The following PDS5B variants were observed in gnomAD, a reference collection of about 807,000 sequenced individuals.
The protein encoded by PDS5B is PDS5 cohesin associated factor B.
A neutral mutation model predicts 184.1 loss-of-function variants in PDS5B; 51 were observed. That is an observed-to-expected ratio of 0.28 (90% CI 0.22 to 0.35). The LOEUF (loss-of-function observed/expected upper bound fraction) is 0.35. Ranked by LOEUF, PDS5B falls within the 10% of genes least tolerant of loss-of-function variation. The pLI is 1.00. For missense variants in PDS5B, 1,180 were observed against 1,723.3 expected (o/e 0.68, Z 5.58); for synonymous variants, 566 against 569.2 (o/e 0.99, Z 0.08).
intron 6 of PDS5B, among the ~76,000 whole-genome samples, chr13:32,664,843 T>A (rs1440610447): frequency 8.4e-6 from 1 of 119,512 alleles, no homozygotes; most frequent in Non-Finnish European, 1.7e-5. Flanking sequence ...CAAGTGAGAC[T>A]CTGTCTCAAA....
At chr13:32,592,499 T>C (rs2057792844) in intron 1 of PDS5B, among the ~76,000 whole-genome samples, 2 of 152,130 alleles carry the variant, frequency 1.3e-5, no homozygotes, top group Admixed American at 1.3e-4. Context: ...TCAGGTGATC[T>C]GCCCGCCTTG....
Position 32,688,459 on chromosome 13 carries a change from A to G in PDS5B, c.1359A>G (p.Leu453=). 6.5e-7 allele frequency: 1 copy of G among 1,529,604 alleles called. No individual in the cohort carries two copies. Among genetic ancestry groups the G allele is most frequent in the East Asian group, 2.3e-5 (1 of 44,048 alleles). 94.8% of individuals were successfully genotyped at this position (1,529,604 alleles called of 1,614,324 possible). A position where few individuals can be genotyped will look rare whatever the true frequency, so the allele number is the denominator to read the frequency against. The part of the protein sequence containing the change: ...IYYQNSIDDR[L]LVERIFAQYM... ...TGCCTTCTCTGCTTTTTTGTAGACT[A>G]CTTGTTGAACGGATCTTTGCTCAAT... Residue 453 remains leucine, a synonymous_variant, in exon 13 of 35, where the codon CTA becomes CTG. Coordinates refer to ENST00000315596, the MANE Select transcript of PDS5B (RefSeq NM_015032.4).
intron 3 of PDS5B, chr13:32,652,213 AC>A (rs1348145928): frequency 1.3e-5 from 6 of 465,264 alleles, no homozygotes; most frequent in African/African-American, 1.2e-4. Flanking sequence ...GTAGATTAAT[AC>A]AGTGTGTATT....
chr13:32,741,699 C>CTCTGTGTGTG (rs371056675), intron 22 of PDS5B, among the ~76,000 whole-genome samples: 19 of 139,276 alleles, frequency 1.4e-4, no homozygotes, highest in Admixed American at 1.4e-3. Context: ...CCCTTTCAGT[C>CTCTGTGTGTG]TGTGTGTGTG....
chr13:32,691,823 T>C (rs1305296621), intron 13 of PDS5B, among the ~76,000 whole-genome samples: 2 of 152,110 alleles, frequency 1.3e-5, no homozygotes, highest in Non-Finnish European at 2.9e-5. Context: ...CTACCAGTGG[T>C]TTATGGATTT....
In PDS5B at chr13:32,692,414, CCTTT is replaced by C. The variant is rs1300740416; in HGVS notation, c.1470-1808_1470-1805del. On this transcript the variant is annotated intron_variant, in intron 13 of 34. Transcript: ENST00000315596. ...ATTAAACAAGTTTGCGTCCAAAAAG[CCTTT>C]TTTTTTTTTTTTTTTTTTTTTTTTG... Among the ~76,000 whole-genome samples, 100 of 69,138 alleles carry C rather than the reference CCTTT, an allele frequency of 1.4e-3. 22 individuals are homozygous for C. The highest frequency in any genetic ancestry group is 2.1e-3 in the Non-Finnish European group (75 of 35,730). 45.4% of individuals were successfully genotyped at this position (69,138 alleles called of 152,430 possible).
At chr13:32,589,035 A>G (rs185227250) in intron 1 of PDS5B, among the ~76,000 whole-genome samples, 1 of 152,250 alleles carries the variant, frequency 6.6e-6, no homozygotes, top group Non-Finnish European at 1.5e-5. Context: ...ATGATTTGGC[A>G]TACGGACTCT....
rs952346225 is a variant in PDS5B, at chr13:32,629,127, C to T, written c.-19-19627C>T. On this transcript the variant is annotated intron_variant, in intron 1 of 34. Coordinates refer to ENST00000315596, the MANE Select transcript of PDS5B (RefSeq NM_015032.4). The stretch of plus-strand genomic sequence containing the variant: ...GAGAAGTTGGGGGTATTGGAATACC[C>T]ATCACTCAATTCAGCCAGAGCAGCT... Among the ~76,000 whole-genome samples the T allele has an allele frequency of 2.0e-5, 3 of 152,164 alleles. No homozygotes were observed. In the East Asian group the frequency reaches 5.8e-4, roughly 29 times the overall value.
intron 20 of PDS5B, among the ~76,000 whole-genome samples, chr13:32,733,217 A>G (rs555366835): frequency 6.6e-6 from 1 of 152,288 alleles, no homozygotes; most frequent in African/African-American, 2.4e-5. Context: ...ATTTCAGAGT[A>G]GTTCTTTCAT....
intron 6 of PDS5B, among the ~76,000 whole-genome samples, chr13:32,662,629 ATAAT>A (rs1203100172): frequency 6.6e-6 from 1 of 152,146 alleles, no homozygotes; most frequent in Non-Finnish European, 1.5e-5. Flanking sequence ...TTTAGAAATG[ATAAT>A]TAAGTGATAC....
intron 7 of PDS5B, among the ~76,000 whole-genome samples, chr13:32,670,082 C>T (rs963542970): frequency 5.9e-5 from 9 of 151,970 alleles, no homozygotes; most frequent in African/African-American, 2.2e-4. Context: ...GATAATAACC[C>T]CACTTCTCTC....
chr13:32,709,300 A>T (rs1233563491), intron 18 of PDS5B, among the ~76,000 whole-genome samples: 2 of 151,950 alleles, frequency 1.3e-5, no homozygotes, highest in Non-Finnish European at 2.9e-5. Context: ...ATTTATTTTG[A>T]AAGTGTGTTG....
chr13:32,626,767 A>T (rs555239533), intron 1 of PDS5B, among the ~76,000 whole-genome samples: 1 of 152,208 alleles, frequency 6.6e-6, no homozygotes, highest in African/African-American at 2.4e-5. Context: ...TCATTTTTTC[A>T]TGGAGCCAAA....
chr13:32,711,756 T>G (rs1952211549), intron 19 of PDS5B, among the ~76,000 whole-genome samples: 1 of 152,214 alleles, frequency 6.6e-6, no homozygotes, highest in Admixed American at 6.5e-5. Context: ...TGGTTGTATG[T>G]ATGTGTATGT....
At chr13:32,755,815 T>G (rs781769913) in intron 25 of PDS5B, 27 bp from the exon 26 acceptor site, 5 of 999,658 alleles carry the variant, frequency 5.0e-6, no homozygotes, top group East Asian at 5.8e-5. Context: ...TGTTTTTTTT[T>G]GTTTGTTTGT....
intron 17 of PDS5B, among the ~76,000 whole-genome samples, chr13:32,703,458 C>G (rs1429768275): frequency 6.6e-6 from 1 of 152,100 alleles, no homozygotes. Flanking sequence ...GAACAAGTAG[C>G]AGTTAGTGCT....
intron 6 of PDS5B, among the ~76,000 whole-genome samples, chr13:32,665,400 G>A (rs1950759288): frequency 6.6e-6 from 1 of 151,608 alleles, no homozygotes; most frequent in Non-Finnish European, 1.5e-5. Context: ...GACCATCCTG[G>A]CTAACACAGT....
chr13:32,604,435 A>T (rs552401276), intron 1 of PDS5B, among the ~76,000 whole-genome samples: 1 of 152,320 alleles, frequency 6.6e-6, no homozygotes, highest in South Asian at 2.1e-4. Context: ...CAACTTGATC[A>T]TGGTGGATAA....
chr13:32,771,232 CAT>C (rs1008204932), intron 33 of PDS5B, among the ~76,000 whole-genome samples: 6 of 152,110 alleles, frequency 3.9e-5, no homozygotes, highest in African/African-American at 7.2e-5. Flanking sequence ...GAAATTAACA[CAT>C]GTTGGTCTCA....
Sources: gnomAD v4.1 joint callset for allele counts (sites outside exome capture counted in the v4.1 genomes callset) on GRCh38, gnomAD v4.1.1 for gene constraint, MANE v1.5 for transcripts, NCBI Gene and HGNC (gene_info 2026-07-23, HGNC 2026-07-21) for gene names.